Variants in DOP1B observed in about 807,000 individuals in gnomAD.
DOP1B encodes the protein protein DOP1B.
Under a neutral mutation model 233.5 loss-of-function variants are expected in DOP1B, and 174 were observed. That is an observed-to-expected ratio of 0.75 (90% CI 0.66 to 0.85). The LOEUF is 0.85. Ranked by LOEUF, DOP1B falls within the 40% of genes least tolerant of loss-of-function variation. DOP1B has a pLI of 0.00. For missense variants in DOP1B, 2,652 were observed against 2,846.6 expected (o/e 0.93, Z 1.56); for synonymous variants, 1,190 against 1,185.6 (o/e 1.00, Z -0.08).
Position 36,239,953 on chromosome 21 carries a change from C to T in DOP1B, c.3065C>T (p.Ala1022Val). 1 of 1,607,610 alleles carries T rather than the reference C, an allele frequency of 6.2e-7. No individual in the cohort carries two copies. The change falls in exon 18 of 37, where the codon GCC (alanine) becomes GTC (valine). Residue 1022 changes from alanine (A) to valine (V), a missense_variant and splice_region_variant. Coordinates refer to ENST00000691173, the MANE Select transcript of DOP1B (RefSeq NM_001320714.2). Reference sequence around the variant, plus strand: ...CACTGCCTCAAGCAGGAGAACTCGGCCGGTGAGCAGCCTGCACAGGACCCG... The same window carrying T: ...CACTGCCTCAAGCAGGAGAACTCGGTCGGTGAGCAGCCTGCACAGGACCCG... The part of the protein sequence containing the change: ...SIHCLKQENS[A>V]DDLHRWFNRK...
At chr21:36,180,780 C>T (rs1047418712) in intron 2 of DOP1B, among the ~76,000 whole-genome samples, 10 of 151,972 alleles carry the variant, frequency 6.6e-5, no homozygotes, top group African/African-American at 2.2e-4. Context: ...ACTTGAGAGA[C>T]TGAGGCATGA....
chr21:36,165,718 CTTT>C (rs66857645), intron 2 of DOP1B, among the ~76,000 whole-genome samples: 7 of 132,928 alleles, frequency 5.3e-5, no homozygotes, highest in African/African-American at 5.5e-5. Context: ...TTAGGAGAAT[CTTT>C]TTTTTTTTTT....
chr21:36,276,797 C>T (rs1452812001), intron 27 of DOP1B, among the ~76,000 whole-genome samples: 1 of 144,754 alleles, frequency 6.9e-6, no homozygotes, highest in Admixed American at 7.1e-5. Context: ...GCCGAGATCA[C>T]ACCACTGCAC....
chr21:36,273,037 GGTTGCA>G (rs2067307887), intron 27 of DOP1B, among the ~76,000 whole-genome samples: 1 of 150,178 alleles, frequency 6.7e-6, no homozygotes, highest in African/African-American at 2.5e-5. Flanking sequence ...GGGAGGCAGA[GGTTGCA>G]GTGAGTCGAG....
chr21:36,228,538 G>A (rs560824766), intron 13 of DOP1B, among the ~76,000 whole-genome samples: 2 of 152,060 alleles, frequency 1.3e-5, no homozygotes, highest in African/African-American at 2.4e-5. Flanking sequence ...AGGCCGAGGC[G>A]GGCAGATCAT....
rs550721475 is a variant in DOP1B at position 36,282,591 on chromosome 21, G to A, written c.6160+980G>A. The stretch of plus-strand genomic sequence containing the variant: ...CCCTTAATCAGCACCTTCAGCTGAG[G>A]CCAGGGAAGGGGCAAGATTTTGGAG... On this transcript the variant is annotated intron_variant, in intron 32 of 36. Coordinates refer to ENST00000691173, the MANE Select transcript of DOP1B (RefSeq NM_001320714.2). Among the ~76,000 whole-genome samples the A allele has an allele frequency of 2.0e-5, 3 of 152,246 alleles. No individual in the cohort carries two copies. The South Asian group carries it at 6.2e-4, about 32-fold the overall frequency.
At position 36,288,108 on chromosome 21, in the gene DOP1B, T is replaced by A. The variant is rs1225119311; in HGVS notation, c.6255T>A (p.Pro2085=). Residue 2085 remains proline, a synonymous_variant, in exon 33 of 37, where the codon CCT becomes CCA. Coordinates refer to ENST00000691173, the MANE Select transcript of DOP1B (RefSeq NM_001320714.2). ...GAGTTTTGCTGCTAAGAATATCTCC[T>A]CAACATTTGACTTCATTGTGGCCAA... ...FFRVLLLRIS[P]QHLTSLWPIM... The A allele has an allele frequency of 1.9e-6, 3 of 1,614,114 alleles. No individual in the cohort carries two copies. The highest frequency in any genetic ancestry group is 1.7e-5 in the Admixed American group (1 of 59,994).
At chr21:36,202,296 G>T (rs1029404755) in intron 4 of DOP1B, among the ~76,000 whole-genome samples, 1 of 152,214 alleles carries the variant, frequency 6.6e-6, no homozygotes, top group East Asian at 1.9e-4. Flanking sequence ...TAACTCTTCT[G>T]AGAGATGCCA....
intron 2 of DOP1B, among the ~76,000 whole-genome samples, chr21:36,186,806 G>A (rs1008906228): frequency 5.9e-5 from 9 of 152,136 alleles, no homozygotes; most frequent in African/African-American, 2.2e-4. Flanking sequence ...GAGGATTCCA[G>A]GTTTCAGAAA....
intron 23 of DOP1B, among the ~76,000 whole-genome samples, chr21:36,255,860 G>A (rs956627870): frequency 2.1e-4 from 32 of 152,202 alleles, no homozygotes; most frequent in African/African-American, 7.7e-4. Flanking sequence ...ATTGAACCGA[G>A]AAGTTCCTTG....
At chr21:36,261,266 G>A (rs951759529) in intron 24 of DOP1B, 2 of 931,098 alleles carry the variant, frequency 2.1e-6, no homozygotes, top group African/African-American at 3.6e-5. Context: ...TCGGGAGGCT[G>A]AGGCAGGAGA....
intron 26 of DOP1B, among the ~76,000 whole-genome samples, chr21:36,267,724 G>A (rs1040649717): frequency 3.4e-5 from 5 of 148,290 alleles, no homozygotes; most frequent in East Asian, 3.9e-4. Flanking sequence ...CGTAAGTGTC[G>A]GCCGGCTGAG....
Position 36,248,408 on chromosome 21 carries a change from TGAG to T in DOP1B, c.4841_4843del (p.Arg1614del), listed in dbSNP as rs1374509666. 3.1e-6 allele frequency: 5 copies of T among 1,613,928 alleles called. No homozygotes were observed. The East Asian group carries it at 1.1e-4, about 36-fold the overall frequency. On this transcript the variant is annotated inframe_deletion, in exon 21 of 37. Transcript: ENST00000691173. ...ATGGCTGCAGGTGATCCTGCCAACT[TGAG>T]GAATGCCAGAAATGCCATTTTGGAA...
rs549550908 is a variant in DOP1B at position 36,225,087 on chromosome 21, T to C, written c.1371-478T>C. Among the ~76,000 whole-genome samples, 289 of 152,300 alleles carry C rather than the reference T, an allele frequency of 1.9e-3. 1 individual carries two copies. The highest frequency in any genetic ancestry group is 6.5e-3 in the African/African-American group (269 of 41,560). ...GACACCAACAGATTCAGGACACTTA[T>C]TGACACTTCTACATGTTAGATACTT... On this transcript the variant is annotated intron_variant, in intron 11 of 36. Transcript: ENST00000691173.
At chr21:36,214,747 G>A (rs116619741) in intron 9 of DOP1B, among the ~76,000 whole-genome samples, 191 bp downstream of exon 9, 1 of 152,188 alleles carries the variant, frequency 6.6e-6, no homozygotes, top group Non-Finnish European at 1.5e-5. Flanking sequence ...TTGCATGGCT[G>A]GGCGCAGTGG....
chr21:36,277,840 C>G, intron 28 of DOP1B, 135 bp from the exon 29 acceptor site: 2 of 661,516 alleles, frequency 3.0e-6, no homozygotes, highest in South Asian at 3.6e-5. Flanking sequence ...TGGGGTTTCA[C>G]CATGTTGGCC....
At chr21:36,225,787 T>C in intron 12 of DOP1B, 120 bp downstream of exon 12, 1 of 994,008 alleles carries the variant, frequency 1.0e-6, no homozygotes, top group Non-Finnish European at 1.5e-6. Context: ...TGCAACACTG[T>C]TTTGATGTTT....
chr21:36,289,312 C>A, intron 35 of DOP1B, 106 bp downstream of exon 35: 1 of 1,210,156 alleles, frequency 8.3e-7, no homozygotes, highest in South Asian at 1.4e-5. Context: ...AAACCACCAT[C>A]TGGGTTTCTA....
intron 2 of DOP1B, among the ~76,000 whole-genome samples, chr21:36,174,879 G>A (rs896736871): frequency 2.0e-5 from 3 of 152,184 alleles, no homozygotes; most frequent in African/African-American, 7.2e-5. Context: ...ATCCTCTTCA[G>A]CCTGGAGTCT....
Sources: gnomAD v4.1 joint callset for allele counts (sites outside exome capture counted in the v4.1 genomes callset) on GRCh38, gnomAD v4.1.1 for gene constraint, MANE v1.5 for transcripts, NCBI Gene and HGNC (gene_info 2026-07-23, HGNC 2026-07-21) for gene names.